Variants in KIAA1586 observed in about 807,000 individuals in gnomAD.
The protein encoded by KIAA1586 is E3 SUMO-protein ligase KIAA1586.
A neutral mutation model predicts 6.1 loss-of-function variants in KIAA1586; 5 were observed. The observed-to-expected ratio is 0.82, with a 90% CI of 0.43 to 1.73. KIAA1586 has a LOEUF of 1.73. Ranked by LOEUF, KIAA1586 falls within the 40% of genes most tolerant of loss-of-function variation. KIAA1586 has a pLI of 0.02. For synonymous variants in KIAA1586, 280 were observed against 301.7 expected, an observed-to-expected ratio of 0.93 and a Z score of 0.75; for missense variants, 899 against 878.2, an observed-to-expected ratio of 1.02 and a Z score of -0.30.
rs61741654 is a variant in KIAA1586 at position 57,052,710 on chromosome 6, C to G, written c.211C>G (p.Arg71Gly). The change falls in exon 4 of 4, where the codon CGA (arginine) becomes GGA (glycine). Residue 71 changes from arginine (R) to glycine (G), a missense_variant. By Grantham distance (125) the Arg-to-Gly change is moderately radical. Coordinates refer to ENST00000370733, the MANE Select transcript of KIAA1586 (RefSeq NM_020931.4). ...GATTCTGTTTCCTAAAATGCCAAAACGACAGGGTGATTTTTTGCATTTTTT... is the reference window on the plus strand; with the variant it reads ...GATTCTGTTTCCTAAAATGCCAAAAGGACAGGGTGATTTTTTGCATTTTTT... ...SDILFPKMPK[R>G]QGDFLHFLNV... 3 of 1,566,788 alleles carry G rather than the reference C, an allele frequency of 1.9e-6. No homozygotes were observed. The highest frequency in any genetic ancestry group is 2.6e-6 in the Non-Finnish European group (3 of 1,158,572).
the KIAA1586 span, among the ~76,000 whole-genome samples, chr6:57,065,675 C>G: frequency 1.3e-5 from 2 of 151,934 alleles, no homozygotes; most frequent in African/African-American, 4.8e-5. Context: ...TTGCTAGAGA[C>G]GGAGTCTCAC....
chr6:57,054,242 G>A lies in KIAA1586; in HGVS notation c.1743G>A (p.Leu581=). ...TGKYESQIED[L]IKSDKFKDIP... ...AGTATGAATCTCAAATTGAAGATTT[G>A]ATCAAGTCAGATAAGTTTAAAGATA... Residue 581 remains leucine, a synonymous_variant, in exon 4 of 4, where the codon TTG becomes TTA. Transcript: ENST00000370733. 6.3e-7 allele frequency: 1 copy of A among 1,593,408 alleles called. No homozygotes were observed. The highest frequency in any genetic ancestry group is 8.5e-7 in the Non-Finnish European group (1 of 1,172,462).
intron 2 of KIAA1586, among the ~76,000 whole-genome samples, chr6:57,048,300 C>G (rs1462090603): frequency 6.6e-6 from 1 of 152,120 alleles, no homozygotes; most frequent in East Asian, 1.9e-4. Context: ...GAGTGTCTGT[C>G]TAATGTTTCT....
chr6:57,065,580 G>A, the KIAA1586 span, among the ~76,000 whole-genome samples: 1 of 150,616 alleles, frequency 6.6e-6, no homozygotes, highest in Non-Finnish European at 1.5e-5. Flanking sequence ...TCGACCTTCT[G>A]GGCTCAAGCA....
the KIAA1586 span, among the ~76,000 whole-genome samples, chr6:57,062,227 C>T: frequency 5.9e-5 from 9 of 152,278 alleles, no homozygotes; most frequent in East Asian, 1.5e-3. Flanking sequence ...CAGATTACTG[C>T]CTGGTCCCTA....
intron 2 of KIAA1586, among the ~76,000 whole-genome samples, chr6:57,050,000 C>CT (rs998221855): frequency 2.3e-4 from 34 of 147,296 alleles, no homozygotes; most frequent in Admixed American, 3.4e-4. Context: ...AATCTGTTAT[C>CT]TTTTTTTTTT....
At chr6:57,057,722 T>C (rs1828518332), downstream of KIAA1586, among the ~76,000 whole-genome samples, 1 of 151,970 alleles carries the variant, frequency 6.6e-6, no homozygotes, top group Non-Finnish European at 1.5e-5. Context: ...ACTGCACTCC[T>C]GCCTGAGCGA....
downstream of KIAA1586, among the ~76,000 whole-genome samples, chr6:57,058,131 G>T (rs560715594): frequency 6.6e-6 from 1 of 151,820 alleles, no homozygotes; most frequent in African/African-American, 2.4e-5. Flanking sequence ...TGTTATAACA[G>T]TTTCAGCTAG....
At chr6:57,055,529 G>T (rs992229130), downstream of KIAA1586, among the ~76,000 whole-genome samples, 2 of 152,014 alleles carry the variant, frequency 1.3e-5, no homozygotes, top group African/African-American at 4.8e-5. Flanking sequence ...GCTGTCAGCA[G>T]ATGGATTCAA....
In KIAA1586 at chr6:57,053,517, T is replaced by C. The variant is rs765524343; in HGVS notation, c.1018T>C (p.Ser340Pro). 16 of 1,613,630 alleles carry C rather than the reference T, an allele frequency of 9.9e-6. 1 individual carries two copies. In the South Asian group the frequency reaches 1.8e-4, roughly 18 times the overall value. The change falls in exon 4 of 4, where the codon TCA becomes CCA. Residue 340 changes from serine (S) to proline (P), a missense_variant. Coordinates refer to ENST00000370733, the MANE Select transcript of KIAA1586 (RefSeq NM_020931.4). ...GATTTATCTCCAGTGCACAATTCAG[T>C]CAGCTCCTGCACCTGTTATGTTATT... ...LVIYLQCTIQ[S>P]APAPVMLFVA...
chr6:57,053,683 T>A lies in KIAA1586; in HGVS notation c.1184T>A (p.Ile395Asn). The change falls in exon 4 of 4, where the codon ATC (isoleucine) becomes AAC (asparagine). Residue 395 changes from isoleucine to asparagine, a missense_variant. Transcript: ENST00000370733. ...IAFCSDGANTILGRKSGVATK... is the reference protein window; with the variant it reads ...IAFCSDGANTNLGRKSGVATK... Reference sequence around the variant, plus strand: ...TTTTGTTCTGATGGTGCTAATACAATCCTGGGAAGAAAGTCTGGAGTAGCT... The same window carrying A: ...TTTTGTTCTGATGGTGCTAATACAAACCTGGGAAGAAAGTCTGGAGTAGCT... 4 of 1,611,598 alleles carry A rather than the reference T, an allele frequency of 2.5e-6. No individual in the cohort carries two copies. Among genetic ancestry groups the A allele is most frequent in the Non-Finnish European group, 3.4e-6 (4 of 1,178,182 alleles).
At chr6:57,060,194 A>G (rs1417588633), downstream of KIAA1586, among the ~76,000 whole-genome samples, 2 of 152,114 alleles carry the variant, frequency 1.3e-5, no homozygotes, top group Non-Finnish European at 2.9e-5. Flanking sequence ...GAGTAGCTCA[A>G]TAGTGTCATT....
Position 57,054,742 on chromosome 6 carries a change from C to A in KIAA1586, c.2243C>A (p.Ala748Glu). 1 of 1,551,320 alleles carries A rather than the reference C, an allele frequency of 6.4e-7. No individual in the cohort carries two copies. The highest frequency in any genetic ancestry group is 8.7e-7 in the Non-Finnish European group (1 of 1,146,788). The change falls in exon 4 of 4, where the codon GCA becomes GAA. Residue 748 changes from alanine (A) to glutamate (E), a missense_variant. Transcript: ENST00000370733. ...GGGAAAGAATTAGCAGATTGGGATG[C>A]AACACCGTTTGTAAAATCTTGGTCA... ...LLGKELADWD[A>E]TPFVKSWSNC... is the part of the protein sequence containing the mutation.
the KIAA1586 span, among the ~76,000 whole-genome samples, chr6:57,066,031 C>T: frequency 6.6e-6 from 1 of 151,466 alleles, no homozygotes; most frequent in African/African-American, 2.4e-5. Flanking sequence ...AATCTCAGCA[C>T]TTTGGGAGGC....
intron 3 of KIAA1586, among the ~76,000 whole-genome samples, chr6:57,051,186 C>T (rs1269985878): frequency 4.1e-5 from 6 of 148,114 alleles, no homozygotes; most frequent in African/African-American, 1.5e-4. Flanking sequence ...GAGCCGAGAT[C>T]ATGCCATTGT....
At position 57,054,011 on chromosome 6, in the gene KIAA1586, G is replaced by A; in HGVS notation, c.1512G>A (p.Met504Ile). The A allele has an allele frequency of 1.2e-6, 2 of 1,609,396 alleles. No homozygotes were observed. The highest frequency in any genetic ancestry group is 1.7e-6 in the Non-Finnish European group (2 of 1,178,136). ...AVWHAYPILY[M>I]HFSHSYSGLA... ...GGCATGCATATCCTATATTATATATGCATTTTTCTCATTCTTACTCTGGTT... is the reference window on the plus strand; with the variant it reads ...GGCATGCATATCCTATATTATATATACATTTTTCTCATTCTTACTCTGGTT... Residue 504 changes from methionine (M) to isoleucine (I), a missense_variant, in exon 4 of 4, where the codon ATG (methionine) becomes ATA (isoleucine). Transcript: ENST00000370733.
chr6:57,058,112 C>T (rs1828523012), downstream of KIAA1586, among the ~76,000 whole-genome samples: 1 of 151,882 alleles, frequency 6.6e-6, no homozygotes, highest in African/African-American at 2.4e-5. Context: ...CTTTTAAAAT[C>T]TCTGCGTGTG....
rs1234639622 is a variant in KIAA1586, at chr6:57,054,794, T to C, written c.2295T>C (p.Asp765=). Residue 765 remains aspartate, a synonymous_variant, in exon 4 of 4, where the codon GAT becomes GAC. Coordinates refer to ENST00000370733, the MANE Select transcript of KIAA1586 (RefSeq NM_020931.4). ...ATTGCAACCACAGGTTGGCTACAGA[T>C]ACAAGAGTTCGGCAAAAGTCAACAA... The part of the protein sequence containing the change: ...WSNCNHRLAT[D]TRVRQKSTKV... The C allele has an allele frequency of 5.8e-6, 9 of 1,551,328 alleles. No homozygotes were observed. The highest frequency in any genetic ancestry group is 4.8e-5 in the South Asian group (4 of 84,036).
chr6:57,057,079 T>G (rs1828510197), downstream of KIAA1586, among the ~76,000 whole-genome samples: 1 of 151,578 alleles, frequency 6.6e-6, no homozygotes, highest in African/African-American at 2.4e-5. Context: ...ATACAAAAAA[T>G]TAGCTGGGCC....
Sources: gnomAD v4.1 joint callset for allele counts (sites outside exome capture counted in the v4.1 genomes callset) on GRCh38, gnomAD v4.1.1 for gene constraint, MANE v1.5 for transcripts, NCBI Gene and HGNC (gene_info 2026-07-23, HGNC 2026-07-21) for gene names.